The following CACNA1A variants were observed in gnomAD, a reference collection of about 807,000 sequenced individuals.
CACNA1A encodes the protein calcium voltage-gated channel subunit alpha1 A.
A neutral mutation model predicts 262.4 loss-of-function variants in CACNA1A; 57 were observed. The observed-to-expected ratio is 0.22, with a 90% CI of 0.18 to 0.27. CACNA1A has a LOEUF of 0.27. Ranked by LOEUF, CACNA1A falls within the 10% of genes least tolerant of loss-of-function variation. The probability of loss-of-function intolerance (pLI) is 1.00; values close to 1 mark genes in which losing one functional copy is unlikely to be tolerated. For synonymous variants in CACNA1A, 1,431 were observed against 1,419.3 expected, an observed-to-expected ratio of 1.01 and a Z score of -0.18; for missense variants, 2,526 against 3,562.8, an observed-to-expected ratio of 0.71 and a Z score of 7.41.
At chr19:13,472,848 G>A (rs901589064) in intron 1 of CACNA1A, among the ~76,000 whole-genome samples, 22 of 152,152 alleles carry the variant, frequency 1.4e-4, no homozygotes, top group African/African-American at 4.6e-4. Flanking sequence ...CTCTGGCCAT[G>A]ACCTTATTTA....
chr19:13,334,981 C>T (rs2058538875), intron 7 of CACNA1A, among the ~76,000 whole-genome samples: 1 of 151,420 alleles, frequency 6.6e-6, no homozygotes, highest in Non-Finnish European at 1.5e-5. Context: ...TTACAGTGAG[C>T]TATGATCGCC....
chr19:13,488,124 C>G (rs1980258009), intron 1 of CACNA1A, among the ~76,000 whole-genome samples: 1 of 152,110 alleles, frequency 6.6e-6, no homozygotes, highest in African/African-American at 2.4e-5. Context: ...TCTCACAGCC[C>G]TGGGAGGGAG....
At chr19:13,269,029 C>T (rs1200389201) in intron 24 of CACNA1A, among the ~76,000 whole-genome samples, 1 of 151,518 alleles carries the variant, frequency 6.6e-6, no homozygotes, top group Non-Finnish European at 1.5e-5. Context: ...CGTGGTCTTG[C>T]TCTGTCGCCC....
At chr19:13,352,873 A>G (rs1303169819) in intron 6 of CACNA1A, among the ~76,000 whole-genome samples, 5 of 151,826 alleles carry the variant, frequency 3.3e-5, no homozygotes, top group African/African-American at 1.2e-4. Context: ...CCTGGGCTCA[A>G]TCGATTTTCC....
intron 38 of CACNA1A, among the ~76,000 whole-genome samples, chr19:13,222,620 T>C (rs1051238291): frequency 2.0e-5 from 3 of 150,944 alleles, no homozygotes; most frequent in Admixed American, 1.3e-4. Flanking sequence ...TGGTCTCGAT[T>C]TCTTGACCTC....
chr19:13,479,944 T>C (rs569738945), intron 1 of CACNA1A, among the ~76,000 whole-genome samples: 1 of 152,234 alleles, frequency 6.6e-6, no homozygotes, highest in Non-Finnish European at 1.5e-5. Context: ...GCCATGCCCA[T>C]TCATTTACGT....
rs1336186869 is a variant in CACNA1A at position 13,207,331 on chromosome 19, ACT to A, written c.7501_7502del (p.Ser2501Ter). The A allele has an allele frequency of 6.4e-7, 1 of 1,557,924 alleles. No homozygotes were observed. Among genetic ancestry groups the A allele is most frequent in the Admixed American group, 1.8e-5 (1 of 55,272 alleles). ...CCCGGGCTTAGCACCAATCATCGTC[ACT>A]CTCGCTGTAGGGTTCGTGCAGGCCC... ...RKGLHEPYSE[S>X]DDDWC On this transcript the variant is annotated frameshift_variant, in exon 47 of 47. Coordinates refer to ENST00000360228, the MANE Select transcript of CACNA1A (RefSeq NM_001127222.2). LOFTEE classifies it high-confidence loss of function. This position sits in a 1 kb window ranked among gnomAD's most constrained non-coding sequence, Gnocchi z 5.7.
chr19:13,219,200 C>G (rs1265533062), intron 38 of CACNA1A, among the ~76,000 whole-genome samples: 1 of 151,260 alleles, frequency 6.6e-6, no homozygotes. Context: ...AGCCACCACG[C>G]CTGGCTAATT....
In CACNA1A at chr19:13,389,423, A is replaced by G. The variant is rs570525206; in HGVS notation, c.540-17644T>C. ...CCTGGTAAGAATGTCCCTGGGATGG[A>G]TGCCTGGGGACATAAGCGCTGATGG... On this transcript the variant is annotated intron_variant, in intron 3 of 46. Coordinates refer to ENST00000360228, the MANE Select transcript of CACNA1A (RefSeq NM_001127222.2). 2.6e-5 allele frequency among the ~76,000 whole-genome samples: 4 copies of G among 152,224 alleles called. No individual in the cohort carries two copies. The South Asian group carries it at 8.3e-4, about 32-fold the overall frequency.
At chr19:13,238,703 G>A (rs1025945900) in intron 31 of CACNA1A, among the ~76,000 whole-genome samples, 11 of 151,562 alleles carry the variant, frequency 7.3e-5, no homozygotes, top group African/African-American at 2.2e-4. Flanking sequence ...CTCCTGTCTC[G>A]GCCTCCTGAG....
intron 32 of CACNA1A, 78 bp from the exon 33 acceptor site, chr19:13,235,352 C>T: frequency 7.4e-7 from 1 of 1,359,214 alleles, no homozygotes; most frequent in South Asian, 1.2e-5. Flanking sequence ...TCCCAGTGCT[C>T]TGCCCCACTG....
intron 10 of CACNA1A, among the ~76,000 whole-genome samples, chr19:13,327,537 A>T (rs886292937): frequency 1.3e-5 from 2 of 150,324 alleles, no homozygotes; most frequent in African/African-American, 4.9e-5. Context: ...AAAAAAAATT[A>T]AAAAAATTAA....
In CACNA1A at chr19:13,214,195, C is replaced by A. The variant is rs766951616; in HGVS notation, c.5940+38G>T. ...CCCGTGGTGACATGCAAGCCACTGT[C>A]CCCAGCCCAGATGTCCCCAGAGCGG... On this transcript the variant is annotated intron_variant, in intron 40 of 46. Coordinates refer to ENST00000360228, the MANE Select transcript of CACNA1A (RefSeq NM_001127222.2). This position sits in a 1 kb window ranked among gnomAD's most constrained non-coding sequence, Gnocchi z 4.1. The A allele has an allele frequency of 1.1e-5, 17 of 1,536,344 alleles. No homozygotes were observed. The highest frequency in any genetic ancestry group is 1.4e-5 in the African/African-American group (1 of 73,468).
At chr19:13,293,640 T>G (rs2057595572) in intron 19 of CACNA1A, among the ~76,000 whole-genome samples, 1 of 147,524 alleles carries the variant, frequency 6.8e-6, no homozygotes, top group Non-Finnish European at 1.5e-5. Context: ...GTATTTTTAG[T>G]AGAGATGGGG....
At chr19:13,238,241 G>A (rs1235900849) in intron 31 of CACNA1A, among the ~76,000 whole-genome samples, 1 of 152,112 alleles carries the variant, frequency 6.6e-6, no homozygotes, top group African/African-American at 2.4e-5. Flanking sequence ...CATGGCTTGG[G>A]AGGTGCAGCT....
At chr19:13,386,616 C>A (rs2059619411) in intron 3 of CACNA1A, among the ~76,000 whole-genome samples, 1 of 151,960 alleles carries the variant, frequency 6.6e-6, no homozygotes, top group Admixed American at 6.6e-5. Flanking sequence ...TGGTGAAACC[C>A]TATCTCTACT....
intron 10 of CACNA1A, among the ~76,000 whole-genome samples, chr19:13,325,270 G>A (rs1465225453): frequency 6.7e-6 from 1 of 150,194 alleles, no homozygotes; most frequent in East Asian, 2.0e-4. Context: ...AGGCCAAGGT[G>A]GGAGGCTCAT....
rs2056602210 is a variant in CACNA1A, at chr19:13,257,501, G to A, written c.4439C>T (p.Pro1480Leu). 1.2e-6 allele frequency: 2 copies of A among 1,605,480 alleles called. No homozygotes were observed. The highest frequency in any genetic ancestry group is 1.7e-6 in the Non-Finnish European group (2 of 1,175,640). ...DATFENQGPS[P>L]GYRMEMSIFY... ...AATGGACATCTCCATGCGGTACCCG[G>A]GGCTGGGGCCCTGGTTCTCAAAGGT... is the stretch of plus-strand genomic sequence containing the variant. The change falls in exon 28 of 47, where the codon CCC (proline) becomes CTC (leucine). Residue 1480 changes from proline (P) to leucine (L), a missense_variant. Transcript: ENST00000360228.
At chr19:13,422,373 G>A (rs1481698402) in intron 3 of CACNA1A, among the ~76,000 whole-genome samples, 1 of 152,060 alleles carries the variant, frequency 6.6e-6, no homozygotes, top group Non-Finnish European at 1.5e-5. Context: ...AGGTGATATG[G>A]GTCAAGGCCA....
Sources: allele counts gnomAD v4.1 joint callset (sites outside exome capture counted in the v4.1 genomes callset), GRCh38; gene constraint gnomAD v4.1.1; non-coding constraint Gnocchi (gnomAD v3.1); transcripts MANE v1.5; gene names NCBI Gene and HGNC (gene_info 2026-07-23, HGNC 2026-07-21).